The following ARMH1 variants were observed in gnomAD, a reference collection of about 807,000 sequenced individuals.
ARMH1 encodes the protein armadillo like helical domain containing 1.
ARMH1 carries 34 observed loss-of-function variants against 50.2 expected under a neutral mutation model. That is an observed-to-expected ratio of 0.68 (90% CI 0.51 to 0.90). The LOEUF is 0.90. ARMH1 is among the 40% of genes least tolerant of loss of function. ARMH1 has a pLI of 0.00. For synonymous variants in ARMH1, 221 were observed against 224.2 expected (o/e 0.99, Z 0.13); for missense variants, 538 against 553.9 (o/e 0.97, Z 0.29).
chr1:44,721,800 A>C (rs900579158), intron 6 of ARMH1: 5 of 151,288 alleles, frequency 3.3e-5, no homozygotes, highest in African/African-American at 1.2e-4. Context: ...TTGCCTAGGC[A>C]AGACTTCAAA....
chr1:44,689,084 AAC>A (rs1365173679), intron 1 of ARMH1: 1 of 151,874 alleles, frequency 6.6e-6, no homozygotes, highest in African/African-American at 2.4e-5. Flanking sequence ...GTGTTTTTTT[AAC>A]ACAGTCTCAC....
chr1:44,700,905 C>T lies in ARMH1; in HGVS notation c.443-18C>T, dbSNP rs1342996546. 1.3e-6 allele frequency: 2 copies of T among 1,523,552 alleles called. No individual in the cohort carries two copies. The highest frequency in any genetic ancestry group is 1.4e-5 in the African/African-American group (1 of 71,530). 94.4% of individuals were successfully genotyped at this position (1,523,552 alleles called of 1,614,324 possible). On this transcript the variant is annotated intron_variant, in intron 4 of 11. Transcript: ENST00000535358. ...ATAAATCCCTTCCAATTTAGCATTT[C>T]CTCTCTTCTTTGCTCAGGTGTACGA...
intron 6 of ARMH1, 39 bp downstream of exon 6, chr1:44,704,212 C>CTGATATGTCTGGCTCT: frequency 7.0e-7 from 1 of 1,421,850 alleles, no homozygotes; most frequent in Non-Finnish European, 9.7e-7. Flanking sequence ...GCACCGAGAG[C>CTGATATGTCTGGCTCT]CAGACATATC....
At chr1:44,690,084 G>A (rs544882031) in intron 2 of ARMH1, among the ~76,000 whole-genome samples, 181 bp downstream of exon 2, 1 of 152,242 alleles carries the variant, frequency 6.6e-6, no homozygotes, top group South Asian at 2.1e-4. Context: ...CAGGCGTGGT[G>A]GCAGGTGCCT....
At chr1:44,690,412 C>T (rs1441937205) in intron 2 of ARMH1, among the ~76,000 whole-genome samples, 3 of 152,040 alleles carry the variant, frequency 2.0e-5, no homozygotes, top group Non-Finnish European at 4.4e-5. Flanking sequence ...GTATTTCTTT[C>T]TCACCCCTAA....
intron 2 of ARMH1, among the ~76,000 whole-genome samples, chr1:44,691,516 G>A (rs367720910): frequency 2.0e-5 from 3 of 152,016 alleles, no homozygotes; most frequent in Non-Finnish European, 4.4e-5. Context: ...CTCTGATACC[G>A]ATTATCTTGG....
chr1:44,721,506 T>C (rs924279219), intron 6 of ARMH1, among the ~76,000 whole-genome samples: 4 of 150,066 alleles, frequency 2.7e-5, no homozygotes, highest in African/African-American at 9.8e-5. Context: ...AAAACTAGGT[T>C]TTCTTTTAAA....
intron 6 of ARMH1, among the ~76,000 whole-genome samples, chr1:44,718,409 A>G (rs2148757868): frequency 6.6e-6 from 1 of 152,352 alleles, no homozygotes; most frequent in Non-Finnish European, 1.5e-5. Context: ...GAAGAAACCA[A>G]ATGGTAGAAC....
chr1:44,676,865 G>A (rs1645157196), intron 1 of ARMH1, among the ~76,000 whole-genome samples: 1 of 152,174 alleles, frequency 6.6e-6, no homozygotes, highest in South Asian at 2.1e-4. Flanking sequence ...AAGAAATGTT[G>A]ATGTGGATCC....
At chr1:44,703,981 C>T in intron 5 of ARMH1, 108 bp from the exon 6 acceptor site, 1 of 794,432 alleles carries the variant, frequency 1.3e-6, no homozygotes, top group South Asian at 1.5e-5. Context: ...CCACCTCGGC[C>T]TCCTAAAGTG....
At chr1:44,687,983 C>T (rs370564683) in intron 1 of ARMH1, among the ~76,000 whole-genome samples, 23 of 152,276 alleles carry the variant, frequency 1.5e-4, no homozygotes, top group African/African-American at 5.1e-4. Context: ...CAAGGGCACA[C>T]GGTGCTTTCC....
intron 6 of ARMH1, among the ~76,000 whole-genome samples, chr1:44,721,630 G>T (rs578182403): frequency 6.6e-6 from 1 of 152,172 alleles, no homozygotes; most frequent in African/African-American, 2.4e-5. Context: ...TTATGAGGCT[G>T]AGGTGGGAGG....
rs577441216 is a variant in ARMH1, at chr1:44,721,530, T to C, written c.725-2592T>C. ...TTTTCTTTTAAAAAAAAAAATCTTA[T>C]AAACATTTAGCTTCCTAAATGTTTA... On this transcript the variant is annotated intron_variant, in intron 6 of 11. Coordinates refer to ENST00000535358, the MANE Select transcript of ARMH1 (RefSeq NM_001145636.2). Among the ~76,000 whole-genome samples, 10 of 152,246 alleles carry C rather than the reference T, an allele frequency of 6.6e-5. No homozygotes were observed. In the South Asian group the frequency reaches 1.7e-3, roughly 25 times the overall value.
intron 2 of ARMH1, among the ~76,000 whole-genome samples, chr1:44,695,724 G>A (rs1645803119): frequency 6.6e-6 from 1 of 152,118 alleles, no homozygotes; most frequent in African/African-American, 2.4e-5. Flanking sequence ...AGGACTGCTT[G>A]AATTTACAAG....
rs1433301762 is a variant in ARMH1 at position 44,725,349 on chromosome 1, G to A, written c.1269G>A (p.Ser423=). Residue 423 remains serine (S), a synonymous_variant, in exon 12 of 12, where the codon TCG becomes TCA. Transcript: ENST00000535358. ...ACACTCTCTATGGCTCGCGCGATTC[G>A]GCTCAGATGGCCTACCTCACACACT... The part of the protein sequence containing the change: ...SMNTLYGSRD[S]AQMAYLTHFE... The A allele has an allele frequency of 5.2e-6, 8 of 1,551,674 alleles. No homozygotes were observed. The highest frequency in any genetic ancestry group is 7.0e-6 in the Non-Finnish European group (8 of 1,146,994).
intron 3 of ARMH1, 62 bp downstream of exon 3, chr1:44,697,232 T>C: frequency 7.5e-7 from 1 of 1,328,970 alleles, no homozygotes; most frequent in African/African-American, 1.5e-5. Context: ...ATGATGTCTT[T>C]GGCATTCACA....
chr1:44,681,835 C>T lies in ARMH1; in HGVS notation c.-23+6962C>T, dbSNP rs1645323232. Among the ~76,000 whole-genome samples, 1 of 152,084 alleles carries T rather than the reference C, an allele frequency of 6.6e-6. No homozygotes were observed. The highest frequency in any genetic ancestry group is 1.5e-5 in the Non-Finnish European group (1 of 68,022). ...CATAGGTGGGATGGTGCTAGCCAGT[C>T]ACAGATTTGGGGTGTGGGTTTTGGG... On this transcript the variant is annotated intron_variant, in intron 1 of 11. Coordinates refer to ENST00000535358, the MANE Select transcript of ARMH1 (RefSeq NM_001145636.2). This position sits in a 1 kb window ranked among gnomAD's most constrained non-coding sequence, Gnocchi z 4.3.
chr1:44,675,360 G>A (rs1339622771), intron 1 of ARMH1, among the ~76,000 whole-genome samples: 1 of 152,128 alleles, frequency 6.6e-6, no homozygotes, highest in Non-Finnish European at 1.5e-5. Flanking sequence ...GAGATAGGGA[G>A]GGGGAAAGAC....
intron 6 of ARMH1, 71 bp downstream of exon 6, chr1:44,704,244 A>G: frequency 8.9e-7 from 1 of 1,127,582 alleles, no homozygotes. Flanking sequence ...GCTTTCTCTT[A>G]GTCACAAAGA....
Sources: gnomAD v4.1 joint callset for allele counts (sites outside exome capture counted in the v4.1 genomes callset) on GRCh38, gnomAD v4.1.1 for gene constraint, Gnocchi (gnomAD v3.1) non-coding constraint, MANE v1.5 for transcripts, NCBI Gene and HGNC (gene_info 2026-07-23, HGNC 2026-07-21) for gene names.